GRK5: variants seen among roughly 807,000 people sequenced by gnomAD.
GRK5 encodes G protein-coupled receptor kinase 5.
A neutral mutation model predicts 78.4 loss-of-function variants in GRK5; 40 were observed. The ratio of observed to expected loss-of-function variants is 0.51; its 90% CI spans 0.40 to 0.66. The LOEUF is 0.66. Ranked by LOEUF, GRK5 falls within the 30% of genes least tolerant of loss-of-function variation. The pLI, the probability that GRK5 is intolerant of heterozygous loss-of-function variation, is 0.00. For synonymous variants in GRK5, 289 were observed against 296.8 expected (o/e 0.97, Z 0.27); for missense variants, 598 against 759.9 (o/e 0.79, Z 2.50).
chr10:119,288,459 C>T (rs1226346577), intron 1 of GRK5, among the ~76,000 whole-genome samples: 2 of 152,166 alleles, frequency 1.3e-5, no homozygotes, highest in Admixed American at 6.5e-5. Context: ...GCCTCCGAGC[C>T]CTGCTTCCCT....
Position 119,325,973 on chromosome 10 carries a change from G to A in GRK5, c.53-543G>A, listed in dbSNP as rs572216010. ...GGAGTCCCTCCTTCCTTCCAGCCTC[G>A]GAGACTCTGGGGTTTGTGAGGAGCA... On this transcript the variant is annotated intron_variant, in intron 1 of 15. Transcript: ENST00000392870. 9.2e-5 allele frequency among the ~76,000 whole-genome samples: 14 copies of A among 152,336 alleles called. No homozygotes were observed. In the South Asian group the frequency reaches 2.1e-3, roughly 23 times the overall value.
chr10:119,394,345 GGCATGT>G (rs1564917076), intron 3 of GRK5, among the ~76,000 whole-genome samples: 6 of 46,220 alleles, frequency 1.3e-4, no homozygotes, highest in African/African-American at 1.9e-4. Flanking sequence ...TCTGTGTGTG[GGCATGT>G]GGGTGTGTGG....
chr10:119,240,989 C>T (rs1410807490), intron 1 of GRK5, among the ~76,000 whole-genome samples: 1 of 152,234 alleles, frequency 6.6e-6, no homozygotes, highest in Non-Finnish European at 1.5e-5. Flanking sequence ...GGGGTCGGAG[C>T]AGGCAGGATT....
chr10:119,218,037 C>A (rs962199187), intron 1 of GRK5, among the ~76,000 whole-genome samples: 2 of 151,680 alleles, frequency 1.3e-5, no homozygotes, highest in Non-Finnish European at 2.9e-5. Flanking sequence ...TCAGTGGTAA[C>A]CTTGAGTGTT....
chr10:119,257,809 G>T (rs746163208), intron 1 of GRK5, among the ~76,000 whole-genome samples: 1 of 152,324 alleles, frequency 6.6e-6, no homozygotes, highest in South Asian at 2.1e-4. Context: ...GGGTGCCTCC[G>T]ACTTGTGTGC....
chr10:119,293,132 T>C (rs145960076), intron 1 of GRK5, among the ~76,000 whole-genome samples: 17 of 152,314 alleles, frequency 1.1e-4, no homozygotes, highest in African/African-American at 4.1e-4. Context: ...TGTTTAAGGT[T>C]ATGCAGCCAG....
At position 119,431,048 on chromosome 10, in the gene GRK5, C is replaced by A. The variant is rs368064021; in HGVS notation, c.598-339C>A. On this transcript the variant is annotated intron_variant, in intron 7 of 15. Coordinates refer to ENST00000392870, the MANE Select transcript of GRK5 (RefSeq NM_005308.3). This position sits in a 1 kb window ranked among gnomAD's most constrained non-coding sequence, Gnocchi z 4.8. Reference sequence around the variant, plus strand: ...TGCCTCCCAAAACAAACTTCTCTACCGGCAGCCGGTAGGAGAAAATCCTGT... The same window carrying A: ...TGCCTCCCAAAACAAACTTCTCTACAGGCAGCCGGTAGGAGAAAATCCTGT... 1.3e-5 allele frequency among the ~76,000 whole-genome samples: 2 copies of A among 152,166 alleles called. No homozygotes were observed. The highest frequency in any genetic ancestry group is 2.9e-5 in the Non-Finnish European group (2 of 68,022).
chr10:119,394,277 T>TGG (rs1564916929), intron 3 of GRK5, among the ~76,000 whole-genome samples: 10 of 41,696 alleles, frequency 2.4e-4, no homozygotes, highest in South Asian at 8.6e-4. Flanking sequence ...TGTGTGGGCG[T>TGG]GTGTGTGGGT....
intron 1 of GRK5, among the ~76,000 whole-genome samples, chr10:119,240,584 GTGA>G (rs1197774432): frequency 1.3e-5 from 2 of 152,244 alleles, no homozygotes; most frequent in African/African-American, 4.8e-5. Context: ...CTAATGACCA[GTGA>G]TGATGAGCTT....
intron 2 of GRK5, among the ~76,000 whole-genome samples, chr10:119,363,975 G>A (rs982003088): frequency 6.6e-6 from 1 of 152,188 alleles, no homozygotes; most frequent in African/African-American, 2.4e-5. Context: ...ATGGGTTCAC[G>A]CCTCTCCCTC....
At chr10:119,342,641 G>T (rs1009697410) in intron 2 of GRK5, among the ~76,000 whole-genome samples, 1 of 152,142 alleles carries the variant, frequency 6.6e-6, no homozygotes, top group African/African-American at 2.4e-5. Flanking sequence ...CTGCTTGGTG[G>T]TTGCCAGGTC....
At chr10:119,295,586 CTG>C (rs1296118164) in intron 1 of GRK5, among the ~76,000 whole-genome samples, 1 of 151,974 alleles carries the variant, frequency 6.6e-6, no homozygotes, top group East Asian at 1.9e-4. Flanking sequence ...GATAAAGAAA[CTG>C]AGATATATAT....
chr10:119,355,103 T>C (rs1338483789), intron 2 of GRK5, among the ~76,000 whole-genome samples: 1 of 152,272 alleles, frequency 6.6e-6, no homozygotes, highest in African/African-American at 2.4e-5. Context: ...GTTGTTATAC[T>C]GTATTGTTTA....
intron 2 of GRK5, among the ~76,000 whole-genome samples, chr10:119,357,654 C>T (rs925907607): frequency 5.3e-5 from 8 of 152,220 alleles, no homozygotes; most frequent in Non-Finnish European, 1.0e-4. Context: ...GCGGCTCACA[C>T]TCAGGCCTGC....
At chr10:119,321,443 G>T (rs1443422046) in intron 1 of GRK5, among the ~76,000 whole-genome samples, 1 of 152,226 alleles carries the variant, frequency 6.6e-6, no homozygotes, top group Non-Finnish European at 1.5e-5. Context: ...GCTCCGGGGA[G>T]AATCCTTCCT....
intron 1 of GRK5, among the ~76,000 whole-genome samples, chr10:119,265,512 G>T (rs928278000): frequency 6.6e-6 from 1 of 152,150 alleles, no homozygotes; most frequent in Non-Finnish European, 1.5e-5. Context: ...ACCAGAGCTC[G>T]CTCTCTCTAC....
At chr10:119,245,151 GC>G (rs1195811193) in intron 1 of GRK5, among the ~76,000 whole-genome samples, 2 of 152,110 alleles carry the variant, frequency 1.3e-5, no homozygotes, top group African/African-American at 4.8e-5. Context: ...GGTTGCGTGT[GC>G]CTGTAGTCCC....
chr10:119,230,554 G>C (rs1284173818), intron 1 of GRK5, among the ~76,000 whole-genome samples: 1 of 151,982 alleles, frequency 6.6e-6, no homozygotes, highest in Non-Finnish European at 1.5e-5. Context: ...ACTGTCTCAA[G>C]AACAGCAAAT....
intron 3 of GRK5, among the ~76,000 whole-genome samples, chr10:119,389,836 A>ACC (rs1554915458): frequency 1.0e-4 from 14 of 139,456 alleles, no homozygotes; most frequent in East Asian, 4.1e-4. Context: ...ACACACACAC[A>ACC]CCCAACACAC....
Sources: allele counts gnomAD v4.1 joint callset (sites outside exome capture counted in the v4.1 genomes callset), GRCh38; gene constraint gnomAD v4.1.1; non-coding constraint Gnocchi (gnomAD v3.1); transcripts MANE v1.5; gene names NCBI Gene and HGNC (gene_info 2026-07-23, HGNC 2026-07-21).